Variants in MARCHF1 observed in about 807,000 individuals in gnomAD.
The protein encoded by MARCHF1 is E3 ubiquitin-protein ligase MARCHF1.
Under a neutral mutation model 54.2 loss-of-function variants are expected in MARCHF1, and 40 were observed. That is an observed-to-expected ratio of 0.74 (90% CI 0.57 to 0.96). MARCHF1 has a LOEUF of 0.96. MARCHF1 is among the 40% of genes least tolerant of loss of function. The pLI is 0.00. For synonymous variants in MARCHF1, 236 were observed against 236.3 expected, an observed-to-expected ratio of 1.00 and a Z score of 0.01; for missense variants, 586 against 656.5, an observed-to-expected ratio of 0.89 and a Z score of 1.17.
intron 3 of MARCHF1, among the ~76,000 whole-genome samples, chr4:163,945,999 A>AT (rs201120308): frequency 5.8e-5 from 6 of 103,786 alleles, no homozygotes; most frequent in Non-Finnish European, 1.2e-4. Flanking sequence ...TTTTTAGTGC[A>AT]TTTAAAAAAA....
chr4:164,305,002 C>T (rs757293258), intron 1 of MARCHF1, among the ~76,000 whole-genome samples: 3 of 152,108 alleles, frequency 2.0e-5, no homozygotes, highest in Non-Finnish European at 2.9e-5. Flanking sequence ...ATGAGCAAGG[C>T]ATAGTCTAAG....
chr4:164,116,203 T>C (rs1051213544), intron 1 of MARCHF1, among the ~76,000 whole-genome samples: 2 of 152,182 alleles, frequency 1.3e-5, no homozygotes, highest in African/African-American at 2.4e-5. Flanking sequence ...GATTTCTTAA[T>C]AGTAACATAT....
chr4:163,854,283 T>TA lies in MARCHF1; in HGVS notation c.-38-115dup, dbSNP rs575533813. The TA allele has an allele frequency of 1.6e-4, 123 of 779,482 alleles. 1 individual carries two copies. The highest frequency in any genetic ancestry group is 1.2e-3 in the Admixed American group (35 of 29,900). The allele number at this position is 779,482 out of a possible 1,614,324, so 48.3% of individuals were successfully genotyped here. A position where few individuals can be genotyped will look rare whatever the true frequency, so the allele number is the denominator to read the frequency against. ...AACAAAACACTAATTGAGACTTTTTTAAAAAAACCAGGGGTTACAAGGAGG... is the reference window on the plus strand; with the variant it reads ...AACAAAACACTAATTGAGACTTTTTTAAAAAAAACCAGGGGTTACAAGGAGG... On this transcript the variant is annotated intron_variant, in intron 3 of 9. Coordinates refer to ENST00000514618, the MANE Select transcript of MARCHF1 (RefSeq NM_001394959.1).
At chr4:163,752,564 A>C (rs1426842296) in intron 4 of MARCHF1, among the ~76,000 whole-genome samples, 4 of 152,196 alleles carry the variant, frequency 2.6e-5, no homozygotes, top group Non-Finnish European at 5.9e-5. Flanking sequence ...TTATTATTAT[A>C]AAAAGAAGAG....
intron 3 of MARCHF1, among the ~76,000 whole-genome samples, chr4:163,916,828 T>C (rs1249488957): frequency 6.6e-6 from 1 of 152,132 alleles, no homozygotes; most frequent in African/African-American, 2.4e-5. Context: ...TTTGTTACAA[T>C]TGATGAACAA....
chr4:164,287,299 G>A (rs1208050721), intron 1 of MARCHF1, among the ~76,000 whole-genome samples: 1 of 151,988 alleles, frequency 6.6e-6, no homozygotes, highest in African/African-American at 2.4e-5. Context: ...CCTTAGAGAA[G>A]GTGAACTTGT....
At chr4:163,797,335 GTGTGTGTGTGTGTGTTTA>G (rs1389273986) in intron 4 of MARCHF1, among the ~76,000 whole-genome samples, 2 of 67,678 alleles carry the variant, frequency 3.0e-5, no homozygotes, top group Non-Finnish European at 7.1e-5. Flanking sequence ...CGGTGTGTAT[GTGTGTGTGTGTGTGTTTA>G]TGTGTGTGTG....
chr4:164,061,339 C>A (rs568715722), intron 2 of MARCHF1, among the ~76,000 whole-genome samples: 1 of 151,426 alleles, frequency 6.6e-6, no homozygotes, highest in Non-Finnish European at 1.5e-5. Context: ...TTCATCAATT[C>A]TTTGATTCAT....
chr4:163,611,318 T>C (rs1033117952), intron 7 of MARCHF1, among the ~76,000 whole-genome samples: 1 of 152,104 alleles, frequency 6.6e-6, no homozygotes, highest in Non-Finnish European at 1.5e-5. Context: ...ATGTAGAGTT[T>C]AATTCTTCTC....
chr4:164,378,555 C>T lies in MARCHF1; in HGVS notation c.-323+5315G>A, dbSNP rs543778964. Among the ~76,000 whole-genome samples, 13 of 152,310 alleles carry T rather than the reference C, an allele frequency of 8.5e-5. No individual in the cohort carries two copies. In the South Asian group the frequency reaches 1.2e-3, roughly 15 times the overall value. On this transcript the variant is annotated intron_variant, in intron 1 of 9. Coordinates refer to ENST00000514618, the MANE Select transcript of MARCHF1 (RefSeq NM_001394959.1). Reference sequence around the variant, plus strand: ...ACATCTGGGCTGGGTGCGGTGGCTACGCCTTGGCATCTGGGAGCCCAGAAG... The same window carrying T: ...ACATCTGGGCTGGGTGCGGTGGCTATGCCTTGGCATCTGGGAGCCCAGAAG...
chr4:163,528,546 C>CTT lies in MARCHF1; in HGVS notation c.*200_*201dup, dbSNP rs1738222795. Reference sequence around the variant, plus strand: ...CTTCACATTTCCATATCATACTTTACTTTACGCTATTACTTCATGGGCTCC... The same window carrying CTT: ...CTTCACATTTCCATATCATACTTTACTTTTTACGCTATTACTTCATGGGCTCC... On this transcript the variant is annotated 3_prime_UTR_variant, in exon 10 of 10. Transcript: ENST00000514618. The CTT allele has an allele frequency of 1.8e-6, 1 of 553,484 alleles. No homozygotes were observed. The highest frequency in any genetic ancestry group is 1.9e-5 in the African/African-American group (1 of 52,650). The allele number at this position is 553,484 out of a possible 1,614,324, so 34.3% of individuals were successfully genotyped here.
intron 3 of MARCHF1, among the ~76,000 whole-genome samples, chr4:163,910,646 C>G (rs907137046): frequency 4.6e-5 from 7 of 152,188 alleles, no homozygotes; most frequent in African/African-American, 7.2e-5. Flanking sequence ...TGGCACCCAC[C>G]ACCATGCCCA....
intron 1 of MARCHF1, among the ~76,000 whole-genome samples, chr4:164,217,584 A>G (rs1731969244): frequency 6.6e-6 from 1 of 152,192 alleles, no homozygotes; most frequent in Admixed American, 6.5e-5. Context: ...CCCACAAATG[A>G]CTTATGTTAT....
At chr4:164,273,604 T>C (rs1444619205) in intron 1 of MARCHF1, among the ~76,000 whole-genome samples, 1 of 152,204 alleles carries the variant, frequency 6.6e-6, no homozygotes, top group Non-Finnish European at 1.5e-5. Context: ...AGTTACAAGA[T>C]AGAACGTGGC....
intron 3 of MARCHF1, among the ~76,000 whole-genome samples, chr4:163,921,714 TTTAA>T (rs1390544191): frequency 3.3e-5 from 5 of 152,274 alleles, no homozygotes; most frequent in East Asian, 1.9e-4. Flanking sequence ...ATTAGAACTG[TTTAA>T]TTATCAGGAA....
At chr4:163,709,948 G>C (rs1209061866) in intron 4 of MARCHF1, among the ~76,000 whole-genome samples, 1 of 152,156 alleles carries the variant, frequency 6.6e-6, no homozygotes. Flanking sequence ...AGATGTGCTA[G>C]AAAGATAATA....
At chr4:164,328,452 C>A (rs1735339917) in intron 1 of MARCHF1, among the ~76,000 whole-genome samples, 1 of 152,008 alleles carries the variant, frequency 6.6e-6, no homozygotes, top group Non-Finnish European at 1.5e-5. Context: ...TTTCTTAAAT[C>A]AGTCAAATAC....
intron 2 of MARCHF1, among the ~76,000 whole-genome samples, chr4:163,992,154 A>G (rs568770769): frequency 6.6e-5 from 10 of 151,986 alleles, no homozygotes; most frequent in South Asian, 4.1e-4. Context: ...GGGCCAAGAC[A>G]AGGAACCAAG....
chr4:163,753,421 G>A (rs921205029), intron 4 of MARCHF1, among the ~76,000 whole-genome samples: 7 of 152,064 alleles, frequency 4.6e-5, no homozygotes, highest in African/African-American at 1.7e-4. Context: ...GCTTTTTGAA[G>A]AACAATGTGC....
Sources: allele counts gnomAD v4.1 joint callset (sites outside exome capture counted in the v4.1 genomes callset), GRCh38; gene constraint gnomAD v4.1.1; transcripts MANE v1.5; gene names NCBI Gene and HGNC (gene_info 2026-07-23, HGNC 2026-07-21).